Variants in ZNF397 observed in about 807,000 individuals in gnomAD.
The protein encoded by ZNF397 is zinc finger and SCAN domain-containing protein 15.
A neutral mutation model predicts 50.6 loss-of-function variants in ZNF397; 38 were observed. The observed-to-expected ratio is 0.75, with a 90% CI of 0.58 to 0.98. The LOEUF is 0.98. ZNF397 is among the 50% of genes least tolerant of loss of function. The pLI is 0.00. For synonymous variants in ZNF397, 228 were observed against 215.2 expected, an observed-to-expected ratio of 1.06 and a Z score of -0.52; for missense variants, 624 against 624.1, an observed-to-expected ratio of 1.00 and a Z score of 0.00.
At chr18:35,254,413 T>C, downstream of ZNF397, 1 of 1,613,738 alleles carries the variant, frequency 6.2e-7, no homozygotes, top group Non-Finnish European at 8.5e-7. Flanking sequence ...GTAAGTATCA[T>C]TTACTTCCCA....
rs988007596 is a variant in ZNF397 at position 35,246,717 on chromosome 18, A to T, written c.*407A>T. 1.7e-5 allele frequency: 17 copies of T among 991,412 alleles called. No homozygotes were observed. In the Admixed American group the frequency reaches 2.4e-4, roughly 14 times the overall value. The allele number at this position is 991,412 out of a possible 1,614,324, so 61.4% of individuals were successfully genotyped here. On this transcript the variant is annotated 3_prime_UTR_variant, in exon 4 of 4. Coordinates refer to ENST00000330501, the MANE Select transcript of ZNF397 (RefSeq NM_001135178.3). ...CTTCGTCTCAGGAACTAAAAAAAAAAAAAAAACTGACCCAATAAAGAACAG... is the reference window on the plus strand; with the variant it reads ...CTTCGTCTCAGGAACTAAAAAAAAATAAAAAACTGACCCAATAAAGAACAG...
At chr18:35,254,783 C>A (rs2043738492), downstream of ZNF397, among the ~76,000 whole-genome samples, 1 of 152,072 alleles carries the variant, frequency 6.6e-6, no homozygotes, top group African/African-American at 2.4e-5. Flanking sequence ...ATCTAAGAGT[C>A]TTAAATCTGT....
chr18:35,257,937 G>GT lies in ZNF397; in HGVS notation c.827_828insT (p.Ter276CysfsTer26). On this transcript the variant is annotated frameshift_variant and stop_lost, in exon 6 of 6. Coordinates refer to the ZNF397 transcript ENST00000261333. LOFTEE classifies it high-confidence loss of function. ...TCTCTCTCCATTACAGATTTTTCCT[G>GT]AAGAACACATCGTCAATAAATCACC... is the stretch of plus-strand genomic sequence containing the variant. 1.3e-6 allele frequency: 1 copy of GT among 780,968 alleles called. No individual in the cohort carries two copies. Among genetic ancestry groups the GT allele is most frequent in the African/African-American group, 1.7e-5 (1 of 59,232 alleles). 48.4% of individuals were successfully genotyped at this position (780,968 alleles called of 1,614,324 possible).
chr18:35,256,942 T>TA (rs1473319169), intron 5 of ZNF397: 1 of 152,970 alleles, frequency 6.5e-6, no homozygotes, highest in Non-Finnish European at 1.5e-5. Context: ...TCCAGTTAAT[T>TA]AAAAAATTTT....
chr18:35,242,870 G>A lies in ZNF397; in HGVS notation c.400G>A (p.Asp134Asn), dbSNP rs1399860058. 6.2e-7 allele frequency: 1 copy of A among 1,607,954 alleles called. No individual in the cohort carries two copies. The highest frequency in any genetic ancestry group is 2.2e-5 in the East Asian group (1 of 44,760). The change falls in exon 2 of 4, where the codon GAC (aspartate) becomes AAC (asparagine). Residue 134 changes from aspartate to asparagine, a missense_variant. Physicochemically the swap from Asp to Asn is conservative, Grantham distance 23. Transcript: ENST00000330501. ...LLEDLEREFD[D>N]PGQQVPASPQ... ...GGAGGATTTAGAGAGGGAGTTTGAT[G>A]ACCCAGGGCAGCAGGTGGGAACGGA...
intron 3 of ZNF397, 108 bp from the exon 4 acceptor site, chr18:35,245,154 G>A: frequency 7.2e-7 from 1 of 1,389,142 alleles, no homozygotes; most frequent in Non-Finnish European, 9.5e-7. Flanking sequence ...AGATACTGGA[G>A]GACAGTGACA....
intron 5 of ZNF397, among the ~76,000 whole-genome samples, chr18:35,255,281 T>G (rs868688123): frequency 3.4e-4 from 51 of 151,524 alleles, no homozygotes; most frequent in Admixed American, 2.4e-3. Context: ...CTACTAGAGA[T>G]GGGGCATATT....
rs780558354 is a variant in ZNF397, at chr18:35,242,896, G to C, written c.414+12G>C. 6.3e-7 allele frequency: 1 copy of C among 1,584,746 alleles called. No individual in the cohort carries two copies. The highest frequency in any genetic ancestry group is 1.8e-5 in the Admixed American group (1 of 54,410). ...ACCCAGGGCAGCAGGTGGGAACGGA[G>C]AAAAGTGATGTGGGAAAAGGAATTT... On this transcript the variant is annotated intron_variant, in intron 2 of 3. Transcript: ENST00000330501.
chr18:35,252,221 C>G (rs1355457356), downstream of ZNF397: 2 of 152,102 alleles, frequency 1.3e-5, no homozygotes, highest in African/African-American at 4.8e-5. Flanking sequence ...CTGAAGTACT[C>G]AGAATTAGTG....
chr18:35,243,088 T>G (rs1226398628), intron 2 of ZNF397, 64 bp from the exon 3 acceptor site: 1 of 1,607,500 alleles, frequency 6.2e-7, no homozygotes, highest in Non-Finnish European at 8.5e-7. Flanking sequence ...CTCTTTGAGA[T>G]TTTTACTAAG....
intron 1 of ZNF397, chr18:35,241,647 G>C (rs1469165139): frequency 6.6e-6 from 1 of 152,138 alleles, no homozygotes; most frequent in Admixed American, 6.5e-5. Context: ...GGATCTCTTT[G>C]CTGCTTTTGT....
At chr18:35,244,761 C>T (rs376837386) in intron 3 of ZNF397, among the ~76,000 whole-genome samples, 1 of 5,564 alleles carries the variant, frequency 1.8e-4, no homozygotes, top group African/African-American at 3.3e-4. Flanking sequence ...AAGTAGGGGA[C>T]GGGGCGGTGG....
In ZNF397 at chr18:35,247,332, C is replaced by G. The variant is rs998371802; in HGVS notation, c.*1022C>G. The G allele has an allele frequency of 2.4e-5, 5 of 205,266 alleles. No individual in the cohort carries two copies. Among genetic ancestry groups the G allele is most frequent in the African/African-American group, 1.2e-4 (5 of 42,422 alleles). The allele number at this position is 205,266 out of a possible 1,614,324, so 12.7% of individuals were successfully genotyped here. A position where few individuals can be genotyped will look rare whatever the true frequency, so the allele number is the denominator to read the frequency against. Reference sequence around the variant, plus strand: ...TTCCTTGCCCAACCTGTAGGCTATCCTAGAACTTCCATGAGGGTGGTGGTG... The same window carrying G: ...TTCCTTGCCCAACCTGTAGGCTATCGTAGAACTTCCATGAGGGTGGTGGTG... On this transcript the variant is annotated 3_prime_UTR_variant, in exon 4 of 4. Transcript: ENST00000330501.
chr18:35,246,068 T>C lies in ZNF397; in HGVS notation c.1363T>C (p.Cys455Arg), dbSNP rs765545241. 1 of 1,559,516 alleles carries C rather than the reference T, an allele frequency of 6.4e-7. No homozygotes were observed. The highest frequency in any genetic ancestry group is 8.7e-7 in the Non-Finnish European group (1 of 1,151,722). ...RIHSGEKPYE[C>R]SECGKAFSLS... ...ACATAGTGGAGAGAAACCCTATGAATGTAGTGAATGTGGAAAAGCTTTCAG... is the reference window on the plus strand; with the variant it reads ...ACATAGTGGAGAGAAACCCTATGAACGTAGTGAATGTGGAAAAGCTTTCAG... The change falls in exon 4 of 4, where the codon TGT (cysteine) becomes CGT (arginine). Residue 455 changes from cysteine (C) to arginine (R), a missense_variant. Coordinates refer to ENST00000330501, the MANE Select transcript of ZNF397 (RefSeq NM_001135178.3).
At position 35,246,845 on chromosome 18, in the gene ZNF397, A is replaced by G. The variant is rs1213321528; in HGVS notation, c.*535A>G. The G allele has an allele frequency of 2.0e-6, 2 of 985,610 alleles. No homozygotes were observed. Among genetic ancestry groups the G allele is most frequent in the Admixed American group, 6.1e-5 (1 of 16,264 alleles). The allele number at this position is 985,610 out of a possible 1,614,324, so 61.1% of individuals were successfully genotyped here. A position where few individuals can be genotyped will look rare whatever the true frequency, so the allele number is the denominator to read the frequency against. On this transcript the variant is annotated 3_prime_UTR_variant, in exon 4 of 4. Coordinates refer to ENST00000330501, the MANE Select transcript of ZNF397 (RefSeq NM_001135178.3). ...GGCATGAGAAGAAAGAATATAATTT[A>G]CCCAAAGGTTATTTTTTGAGTACCT...
rs1381742186 is a variant in ZNF397 at position 35,243,174 on chromosome 18, C to G, written c.437C>G (p.Pro146Arg). Residue 146 changes from proline to arginine, a missense_variant, in exon 3 of 4, where the codon CCA (proline) becomes CGA (arginine). By Grantham distance (103) the Pro-to-Arg change is moderately radical (BLOSUM62 -2). Coordinates refer to ENST00000330501, the MANE Select transcript of ZNF397 (RefSeq NM_001135178.3). ...GQQVPASPQG[P>R]AVPWKDLTCL... Reference sequence around the variant, plus strand: ...CAGGTCCCAGCTAGTCCACAGGGACCAGCAGTGCCATGGAAGGATTTAACA... The same window carrying G: ...CAGGTCCCAGCTAGTCCACAGGGACGAGCAGTGCCATGGAAGGATTTAACA... The G allele has an allele frequency of 6.2e-7, 1 of 1,614,036 alleles. No individual in the cohort carries two copies. The highest frequency in any genetic ancestry group is 8.5e-7 in the Non-Finnish European group (1 of 1,180,026).
chr18:35,250,712 C>A (rs1286172150), downstream of ZNF397, among the ~76,000 whole-genome samples: 1 of 152,186 alleles, frequency 6.6e-6, no homozygotes, highest in African/African-American at 2.4e-5. Flanking sequence ...TCCTTCTCAG[C>A]AATTAGTGTT....
At position 35,245,410 on chromosome 18, in the gene ZNF397, A is replaced by G. The variant is rs558946005; in HGVS notation, c.705A>G (p.Arg235=). The G allele has an allele frequency of 3.2e-6, 5 of 1,583,828 alleles. No individual in the cohort carries two copies. The South Asian group carries it at 5.7e-5, about 18-fold the overall frequency. The part of the protein sequence containing the change: ...KQGSATGEKL[R]SPSQGGSFSQ... ...GAAGTGCTACAGGGGAGAAACTAAG[A>G]TCTCCTTCCCAAGGGGGCAGTTTTA... is the stretch of plus-strand genomic sequence containing the variant. Residue 235 remains arginine (R), a synonymous_variant, in exon 4 of 4, where the codon AGA becomes AGG. Coordinates refer to ENST00000330501, the MANE Select transcript of ZNF397 (RefSeq NM_001135178.3).
At position 35,247,105 on chromosome 18, in the gene ZNF397, A is replaced by G; in HGVS notation, c.*795A>G. 1.0e-6 allele frequency: 1 copy of G among 985,602 alleles called. No homozygotes were observed. The highest frequency in any genetic ancestry group is 1.2e-6 in the Non-Finnish European group (1 of 830,046). The allele number at this position is 985,602 out of a possible 1,614,324, so 61.1% of individuals were successfully genotyped here. A position where few individuals can be genotyped will look rare whatever the true frequency, so the allele number is the denominator to read the frequency against. The stretch of plus-strand genomic sequence containing the variant: ...CAGTAAAGAACAGTAGCCAAAGGCC[A>G]GAAACAAAGTGTGGAGCATTCCTTG... On this transcript the variant is annotated 3_prime_UTR_variant, in exon 4 of 4. Coordinates refer to ENST00000330501, the MANE Select transcript of ZNF397 (RefSeq NM_001135178.3).
Sources: allele counts gnomAD v4.1 joint callset (sites outside exome capture counted in the v4.1 genomes callset), GRCh38; gene constraint gnomAD v4.1.1; transcripts MANE v1.5; gene names NCBI Gene and HGNC (gene_info 2026-07-23, HGNC 2026-07-21).